ITCH: variants seen among roughly 807,000 people sequenced by gnomAD.
ITCH encodes the protein itchy E3 ubiquitin protein ligase, also known as E3 ubiquitin-protein ligase Itchy homolog.
A neutral mutation model predicts 126.8 loss-of-function variants in ITCH; 28 were observed. The observed-to-expected ratio is 0.22, with a 90% CI of 0.16 to 0.30. ITCH has a LOEUF of 0.30. Among genes scored for constraint, ITCH ranks in the 10% least tolerant of loss-of-function variants. The pLI is 1.00. For synonymous variants in ITCH, 342 were observed against 340.0 expected, an observed-to-expected ratio of 1.01 and a Z score of -0.06; for missense variants, 631 against 1,032.4, an observed-to-expected ratio of 0.61 and a Z score of 5.33.
At chr20:34,393,648 A>G in intron 2 of ITCH, 143 bp from the exon 3 acceptor site, 1 of 691,496 alleles carries the variant, frequency 1.4e-6, no homozygotes. Context: ...AGGTAGGATA[A>G]AGACTAGAAT....
Position 34,378,462 on chromosome 20 carries a change from ACT to A in ITCH, c.-22+8995_-22+8996del, listed in dbSNP as rs1429258587. ...TACTCCAGCCTGGGCGATGAGCGAA[ACT>A]CTGTCTCAAAAAAAAAAAAAAAAAA... On this transcript the variant is annotated intron_variant, in intron 2 of 24. Coordinates refer to ENST00000374864, the MANE Select transcript of ITCH (RefSeq NM_031483.7). Among the ~76,000 whole-genome samples the A allele has an allele frequency of 5.7e-4, 71 of 125,298 alleles. 1 individual carries two copies. The highest frequency in any genetic ancestry group is 2.2e-3 in the African/African-American group (70 of 31,194). The allele number at this position is 125,298 out of a possible 152,430, so 82.2% of individuals were successfully genotyped here.
At chr20:34,482,023 G>A (rs534343705) in intron 20 of ITCH, among the ~76,000 whole-genome samples, 1 of 152,098 alleles carries the variant, frequency 6.6e-6, no homozygotes, top group Admixed American at 6.5e-5. Flanking sequence ...ACAAACAAAC[G>A]AATGAACAAA....
chr20:34,455,322 T>C (rs1451470371), intron 12 of ITCH, among the ~76,000 whole-genome samples: 1 of 152,200 alleles, frequency 6.6e-6, no homozygotes, highest in Non-Finnish European at 1.5e-5. Flanking sequence ...TTTTGAGACA[T>C]GTTGAACAAA....
At chr20:34,395,100 G>T (rs1413299334) in intron 3 of ITCH, among the ~76,000 whole-genome samples, 2 of 151,816 alleles carry the variant, frequency 1.3e-5, no homozygotes, top group Non-Finnish European at 2.9e-5. Flanking sequence ...GTGCGTGGCG[G>T]TGCACACCTG....
At chr20:34,502,999 G>A (rs1990357046) in intron 23 of ITCH, among the ~76,000 whole-genome samples, 1 of 152,180 alleles carries the variant, frequency 6.6e-6, no homozygotes, top group African/African-American at 2.4e-5. Context: ...GTGACAGAGT[G>A]AGACTCTGTC....
intron 2 of ITCH, among the ~76,000 whole-genome samples, chr20:34,376,264 CA>C (rs534575827): frequency 1.8e-3 from 274 of 151,956 alleles, no homozygotes; most frequent in African/African-American, 6.2e-3. Flanking sequence ...ACTGTCTCTA[CA>C]AAAAAGCCTC....
At chr20:34,410,398 AATTT>A (rs1978843738) in intron 4 of ITCH, among the ~76,000 whole-genome samples, 2 of 151,870 alleles carry the variant, frequency 1.3e-5, no homozygotes, top group African/African-American at 4.8e-5. Flanking sequence ...AAAAAAAAAG[AATTT>A]ATGGAAGATC....
At chr20:34,478,693 G>C (rs543477870) in intron 17 of ITCH, among the ~76,000 whole-genome samples, 51 of 152,094 alleles carry the variant, frequency 3.4e-4, no homozygotes, top group Non-Finnish European at 6.8e-4. Flanking sequence ...GTGTCTTTGT[G>C]TGCACGCTAA....
chr20:34,421,956 C>A (rs1189139300), intron 6 of ITCH, among the ~76,000 whole-genome samples: 1 of 152,144 alleles, frequency 6.6e-6, no homozygotes, highest in Non-Finnish European at 1.5e-5. Context: ...GTTGAGGCTG[C>A]AGTGAGCTAT....
chr20:34,456,206 A>ATTTTTTT (rs1985955314), intron 12 of ITCH, among the ~76,000 whole-genome samples: 1 of 31,610 alleles, frequency 3.2e-5, no homozygotes, highest in African/African-American at 1.4e-4. Context: ...ATATATATAT[A>ATTTTTTT]TATATATATT....
At chr20:34,429,744 G>GT (rs575438475) in intron 7 of ITCH, among the ~76,000 whole-genome samples, 19 of 151,676 alleles carry the variant, frequency 1.3e-4, no homozygotes, top group East Asian at 7.8e-4. Flanking sequence ...TTTGAATCTT[G>GT]TTTTTTTTGA....
chr20:34,413,753 G>T lies in ITCH; in HGVS notation c.349G>T (p.Val117Phe). 6.2e-7 allele frequency: 1 copy of T among 1,610,066 alleles called. No homozygotes were observed. Among genetic ancestry groups the T allele is most frequent in the East Asian group, 2.2e-5 (1 of 44,816 alleles). The stretch of plus-strand genomic sequence containing the variant: ...TTATTTTCTTCCAGTTGAAGAAGTA[G>T]TTGTGACTTTGCAGCTTGGAGGTGA... ...KSNNMKLEEVVVTLQLGGDKE... is the reference protein window; with the variant it reads ...KSNNMKLEEVFVTLQLGGDKE... Residue 117 changes from valine (V) to phenylalanine (F), a missense_variant, in exon 6 of 25, where the codon GTT (valine) becomes TTT (phenylalanine). Physicochemically the swap from Val to Phe is conservative, Grantham distance 50. Coordinates refer to ENST00000374864, the MANE Select transcript of ITCH (RefSeq NM_031483.7).
At chr20:34,380,712 A>G (rs2038027835) in intron 2 of ITCH, among the ~76,000 whole-genome samples, 1 of 148,322 alleles carries the variant, frequency 6.7e-6, no homozygotes, top group Non-Finnish European at 1.5e-5. Flanking sequence ...TTGCCTCCTA[A>G]GGTGCTATGA....
At chr20:34,443,247 C>T (rs1983996976) in intron 10 of ITCH, among the ~76,000 whole-genome samples, 1 of 151,838 alleles carries the variant, frequency 6.6e-6, no homozygotes, top group Non-Finnish European at 1.5e-5. Context: ...CACGGTGGCT[C>T]GCGCCTGTAA....
At chr20:34,382,655 GCCTTGGCCTC>G (rs1261329466) in intron 2 of ITCH, among the ~76,000 whole-genome samples, 8 of 151,786 alleles carry the variant, frequency 5.3e-5, no homozygotes. Flanking sequence ...TGATCCACCT[GCCTTGGCCTC>G]CCAAAGTGCT....
intron 2 of ITCH, among the ~76,000 whole-genome samples, chr20:34,377,366 C>A (rs2037886067): frequency 1.3e-5 from 2 of 151,888 alleles, no homozygotes; most frequent in Admixed American, 1.3e-4. Context: ...AGAGCGAGAC[C>A]CTGTCTCAAA....
chr20:34,414,001 G>T, intron 6 of ITCH, 122 bp downstream of exon 6: 1 of 841,666 alleles, frequency 1.2e-6, no homozygotes, highest in East Asian at 2.7e-5. Context: ...TTTTCTGGCC[G>T]GTGTGGTGGC....
chr20:34,493,108 A>G (rs1182303474), intron 23 of ITCH, among the ~76,000 whole-genome samples: 1 of 152,238 alleles, frequency 6.6e-6, no homozygotes, highest in Non-Finnish European at 1.5e-5. Context: ...TGACTATGGC[A>G]ATATTCACTT....
chr20:34,460,145 A>G (rs1986374881), intron 13 of ITCH, among the ~76,000 whole-genome samples: 1 of 151,872 alleles, frequency 6.6e-6, no homozygotes, highest in African/African-American at 2.4e-5. Flanking sequence ...AGTCTGTTTT[A>G]TCTGACATTT....
Sources: allele counts gnomAD v4.1 joint callset (sites outside exome capture counted in the v4.1 genomes callset), GRCh38; gene constraint gnomAD v4.1.1; transcripts MANE v1.5; gene names NCBI Gene and HGNC (gene_info 2026-07-23, HGNC 2026-07-21).